Variants in RHBDD1 observed in about 807,000 individuals in gnomAD.
RHBDD1 encodes the protein rhomboid-related protein 4.
Under a neutral mutation model 36.3 loss-of-function variants are expected in RHBDD1, and 38 were observed. That is an observed-to-expected ratio of 1.05 (90% CI 0.81 to 1.37). RHBDD1 has a LOEUF of 1.37. Among genes scored for constraint, RHBDD1 ranks in the 40% most tolerant of loss-of-function variants. The probability of loss-of-function intolerance (pLI) is 0.00; values close to 1 mark genes in which losing one functional copy is unlikely to be tolerated. For missense variants in RHBDD1, 393 were observed against 377.6 expected (o/e 1.04, Z -0.34); for synonymous variants, 151 against 136.5 (o/e 1.11, Z -0.74).
chr2:226,845,901 G>A (rs1039732576), intron 3 of RHBDD1, among the ~76,000 whole-genome samples: 1 of 152,204 alleles, frequency 6.6e-6, no homozygotes, highest in Non-Finnish European at 1.5e-5. Flanking sequence ...TTTGTTATTA[G>A]CCAGGTAATT....
intron 5 of RHBDD1, among the ~76,000 whole-genome samples, chr2:226,896,983 A>G (rs946973479): frequency 2.0e-5 from 3 of 152,042 alleles, no homozygotes; most frequent in African/African-American, 7.2e-5. Context: ...TTGTATTTTC[A>G]GTAGAGATGG....
intron 8 of RHBDD1, among the ~76,000 whole-genome samples, chr2:226,987,625 T>G (rs1957282552): frequency 6.6e-6 from 1 of 152,032 alleles, no homozygotes; most frequent in Non-Finnish European, 1.5e-5. Context: ...TGTGTGGGAG[T>G]CAGAGGTCCA....
intron 8 of RHBDD1, chr2:226,988,379 A>G: frequency 6.4e-7 from 1 of 1,550,428 alleles, no homozygotes; most frequent in South Asian, 1.2e-5. Context: ...GGACCCCAAG[A>G]TAAAGGTCAG....
chr2:226,826,249 G>A, the RHBDD1 span, among the ~76,000 whole-genome samples: 1 of 152,142 alleles, frequency 6.6e-6, no homozygotes, highest in South Asian at 2.1e-4. Flanking sequence ...CTGATCTAGA[G>A]GCAGGAGTTT....
In RHBDD1 at chr2:226,909,098, G is replaced by A. The variant is rs981724454; in HGVS notation, c.712+220G>A. ...AAGGCCAGGGAAGGAGGTAACTCAG[G>A]CATGAAAACATGGTATGATTGGTAT... On this transcript the variant is annotated intron_variant, in intron 7 of 8. Coordinates refer to ENST00000392062, the MANE Select transcript of RHBDD1 (RefSeq NM_001167608.3). 3.3e-5 allele frequency among the ~76,000 whole-genome samples: 5 copies of A among 152,052 alleles called. No homozygotes were observed. In the South Asian group the frequency reaches 1.0e-3, roughly 32 times the overall value.
chr2:226,937,002 G>A (rs1950374514), intron 8 of RHBDD1, among the ~76,000 whole-genome samples: 1 of 152,064 alleles, frequency 6.6e-6, no homozygotes, highest in Non-Finnish European at 1.5e-5. Flanking sequence ...GATTCCCTAA[G>A]TTATGAAAGA....
At chr2:226,801,661 A>G in the RHBDD1 span, among the ~76,000 whole-genome samples, 3 of 152,188 alleles carry the variant, frequency 2.0e-5, no homozygotes, top group African/African-American at 4.8e-5. Flanking sequence ...CACTACAGCA[A>G]GGCTATTAAT....
At chr2:226,859,259 T>G (rs1574836013) in intron 3 of RHBDD1, among the ~76,000 whole-genome samples, 1 of 152,098 alleles carries the variant, frequency 6.6e-6, no homozygotes, top group Non-Finnish European at 1.5e-5. Flanking sequence ...GGGAGTGGGG[T>G]GGGAAATGGA....
At chr2:226,887,456 TG>T (rs1946323592) in intron 5 of RHBDD1, among the ~76,000 whole-genome samples, 1 of 152,240 alleles carries the variant, frequency 6.6e-6, no homozygotes. Context: ...CAGATTTTGA[TG>T]GACCAGTTAA....
the RHBDD1 span, among the ~76,000 whole-genome samples, chr2:226,829,115 T>G: frequency 6.6e-6 from 1 of 152,206 alleles, no homozygotes; most frequent in Admixed American, 6.5e-5. Context: ...CATCCAACTC[T>G]GCCAGCATTC....
intron 7 of RHBDD1, among the ~76,000 whole-genome samples, chr2:226,912,698 G>C (rs1462539999): frequency 6.6e-6 from 1 of 152,114 alleles, no homozygotes; most frequent in Non-Finnish European, 1.5e-5. Context: ...CTTAGAGCTG[G>C]AGAAGGGATG....
intron 7 of RHBDD1, 32 bp from the exon 8 acceptor site, chr2:226,914,176 T>G: frequency 6.2e-7 from 1 of 1,609,146 alleles, no homozygotes; most frequent in Non-Finnish European, 8.5e-7. Flanking sequence ...AGTCCATAGC[T>G]GTGTTCTAGA....
intron 8 of RHBDD1, among the ~76,000 whole-genome samples, chr2:226,947,525 G>A (rs1262816881): frequency 6.6e-6 from 1 of 152,088 alleles, no homozygotes; most frequent in African/African-American, 2.4e-5. Context: ...ATAGTTTGAA[G>A]TCAGGTAGTG....
intron 5 of RHBDD1, among the ~76,000 whole-genome samples, chr2:226,889,642 C>A (rs972880238): frequency 1.3e-5 from 2 of 152,126 alleles, no homozygotes; most frequent in African/African-American, 4.8e-5. Context: ...CTTGTGTTTC[C>A]ATAAACAGTT....
chr2:226,833,965 A>G (rs1358579673), upstream of RHBDD1, among the ~76,000 whole-genome samples: 1 of 152,236 alleles, frequency 6.6e-6, no homozygotes, highest in East Asian at 1.9e-4. Flanking sequence ...TTTAAAAGGT[A>G]GATATTTTTT....
intron 8 of RHBDD1, among the ~76,000 whole-genome samples, chr2:226,982,510 T>C (rs1437740478): frequency 6.6e-6 from 1 of 152,242 alleles, no homozygotes; most frequent in South Asian, 2.1e-4. Flanking sequence ...CATCAATAGA[T>C]GTAATACATC....
At chr2:226,898,285 T>C (rs1360174315) in intron 5 of RHBDD1, among the ~76,000 whole-genome samples, 3 of 152,214 alleles carry the variant, frequency 2.0e-5, no homozygotes, top group Non-Finnish European at 4.4e-5. Flanking sequence ...AGCCAAGGAA[T>C]TGCTAAACAT....
chr2:226,855,079 G>C (rs763904100), intron 3 of RHBDD1, among the ~76,000 whole-genome samples: 4 of 152,214 alleles, frequency 2.6e-5, no homozygotes, highest in Non-Finnish European at 5.9e-5. Flanking sequence ...GGGTGGCACT[G>C]ATACTAAAGG....
At chr2:226,976,133 G>C (rs1050300580) in intron 8 of RHBDD1, among the ~76,000 whole-genome samples, 3 of 151,406 alleles carry the variant, frequency 2.0e-5, no homozygotes, top group African/African-American at 7.3e-5. Flanking sequence ...CTTGGAAGGT[G>C]TGAGAGCACA....
Sources: gnomAD v4.1 joint callset for allele counts (sites outside exome capture counted in the v4.1 genomes callset) on GRCh38, gnomAD v4.1.1 for gene constraint, MANE v1.5 for transcripts, NCBI Gene and HGNC (gene_info 2026-07-23, HGNC 2026-07-21) for gene names.